The following MYH10 variants were observed in gnomAD, a reference collection of about 807,000 sequenced individuals.
MYH10 encodes the protein myosin-10.
Under a neutral mutation model 257.8 loss-of-function variants are expected in MYH10, and 55 were observed. The ratio of observed to expected loss-of-function variants is 0.21; its 90% CI spans 0.17 to 0.27. The LOEUF is 0.27. Ranked by LOEUF, MYH10 falls within the 10% of genes least tolerant of loss-of-function variation. MYH10 has a pLI of 1.00. For synonymous variants in MYH10, 854 were observed against 921.7 expected, an observed-to-expected ratio of 0.93 and a Z score of 1.33; for missense variants, 1,631 against 2,500.6, an observed-to-expected ratio of 0.65 and a Z score of 7.42.
intron 3 of MYH10, among the ~76,000 whole-genome samples, chr17:8,604,542 C>T (rs1038755472): frequency 6.6e-5 from 10 of 151,960 alleles, no homozygotes; most frequent in African/African-American, 2.4e-4. Flanking sequence ...TTGGTTAGAC[C>T]GCCTTGTGGT....
intron 6 of MYH10, among the ~76,000 whole-genome samples, chr17:8,573,621 AC>A (rs1273085004): frequency 6.6e-6 from 1 of 152,160 alleles, no homozygotes; most frequent in African/African-American, 2.4e-5. Flanking sequence ...TCTAAGAGCA[AC>A]CTCTCTTGAG....
At chr17:8,508,099 C>A (rs1403354101) in intron 26 of MYH10, among the ~76,000 whole-genome samples, 1 of 152,060 alleles carries the variant, frequency 6.6e-6, no homozygotes, top group Non-Finnish European at 1.5e-5. Flanking sequence ...GGCTGTAGTG[C>A]GGTTGCATGA....
chr17:8,571,651 G>A (rs1418116212), intron 6 of MYH10, among the ~76,000 whole-genome samples: 7 of 151,888 alleles, frequency 4.6e-5, no homozygotes, highest in Non-Finnish European at 5.9e-5. Context: ...GTGTGGTGGC[G>A]GGTGCCTGAG....
intron 19 of MYH10, among the ~76,000 whole-genome samples, chr17:8,519,397 G>T (rs1410729589): frequency 6.6e-6 from 1 of 152,058 alleles, no homozygotes; most frequent in Non-Finnish European, 1.5e-5. Context: ...AAAATATCAG[G>T]GTGACATGTG....
At chr17:8,599,009 T>C (rs1174224444) in intron 3 of MYH10, among the ~76,000 whole-genome samples, 1 of 152,236 alleles carries the variant, frequency 6.6e-6, no homozygotes, top group Non-Finnish European at 1.5e-5. Context: ...GCCCAGCCTG[T>C]TGTAGTGATT....
rs188760195 is a variant in MYH10 at position 8,501,907 on chromosome 17, T to C, written c.3600-937A>G. ...AACTTGAATAACCAGAGTTATTCAC[T>C]GTCTAAAAGAGATCTTACTTCTCAT... On this transcript the variant is annotated intron_variant, in intron 28 of 42. Transcript: ENST00000360416. 3.2e-3 allele frequency among the ~76,000 whole-genome samples: 489 copies of C among 152,334 alleles called. 2 individuals carry two copies. Among genetic ancestry groups the C allele is most frequent in the African/African-American group, 0.011 (471 of 41,562 alleles).
chr17:8,606,310 A>G (rs2084803575), intron 2 of MYH10, among the ~76,000 whole-genome samples: 1 of 152,268 alleles, frequency 6.6e-6, no homozygotes, highest in African/African-American at 2.4e-5. Flanking sequence ...CGGAAAAACA[A>G]GAGCAGTCAG....
intron 2 of MYH10, among the ~76,000 whole-genome samples, chr17:8,611,960 T>C (rs1323741687): frequency 6.6e-6 from 1 of 152,244 alleles, no homozygotes; most frequent in Admixed American, 6.5e-5. Context: ...TTTCACTTTC[T>C]GCAGTTTGTT....
intron 3 of MYH10, among the ~76,000 whole-genome samples, chr17:8,592,956 TATATATATATATATAA>T (rs1469934742): frequency 8.6e-6 from 1 of 116,764 alleles, no homozygotes; most frequent in Non-Finnish European, 1.8e-5. Context: ...TATATATATA[TATATATATATATATAA>T]AAGATGATGC....
intron 14 of MYH10, among the ~76,000 whole-genome samples, chr17:8,541,020 A>G (rs1415364815): frequency 6.6e-6 from 1 of 152,256 alleles, no homozygotes; most frequent in Non-Finnish European, 1.5e-5. Flanking sequence ...CTTATGTATT[A>G]TAAAAGCCAA....
chr17:8,608,955 C>T (rs769495263), intron 2 of MYH10, among the ~76,000 whole-genome samples: 2 of 152,168 alleles, frequency 1.3e-5, no homozygotes, highest in Non-Finnish European at 2.9e-5. Flanking sequence ...GGACTACAGG[C>T]GCCTGCCACC....
intron 7 of MYH10, chr17:8,561,676 A>G: frequency 1.6e-6 from 1 of 642,628 alleles, no homozygotes; most frequent in East Asian, 2.7e-5. Flanking sequence ...GGGCCTCTGA[A>G]CAGGTGAGCT....
chr17:8,538,796 C>T (rs1422011280), intron 14 of MYH10, among the ~76,000 whole-genome samples: 1 of 152,190 alleles, frequency 6.6e-6, no homozygotes, highest in Non-Finnish European at 1.5e-5. Flanking sequence ...CTAGGAACAT[C>T]ATGACTTCCC....
In MYH10 at chr17:8,490,576, A is replaced by G. The variant is rs1229858179; in HGVS notation, c.4672-24T>C. 2 of 1,609,192 alleles carry G rather than the reference A, an allele frequency of 1.2e-6. No individual in the cohort carries two copies. The highest frequency in any genetic ancestry group is 1.3e-5 in the African/African-American group (1 of 74,826). On this transcript the variant is annotated intron_variant, in intron 34 of 42. Transcript: ENST00000360416. The surrounding 1 kb of genome is among the most constrained non-coding windows in gnomAD (Gnocchi z 4.1). ...ACCTAAACCACCGAAGCATCAGGAA[A>G]GAGTTGACCGGGGTGGAGGCACATA... is the stretch of plus-strand genomic sequence containing the variant.
rs766222485 is a variant in MYH10 at position 8,552,105 on chromosome 17, T to C, written c.860A>G (p.Asp287Gly). Residue 287 changes from aspartate to glycine, a missense_variant, in exon 9 of 43, where the codon GAT becomes GGT. Asp to Gly is a moderately conservative substitution (Grantham distance 94, BLOSUM62 -1). Transcript: ENST00000360416. This position sits in a 1 kb window ranked among gnomAD's most constrained non-coding sequence, Gnocchi z 4.8. ...GTAAAAGATATGAAAAGTACGTTCA[T>C]CTTTTGCTTGACGAACAGCACGAGA... ...EKSRAVRQAK[D>G]ERTFHIFYQL... 6 of 1,563,490 alleles carry C rather than the reference T, an allele frequency of 3.8e-6. No homozygotes were observed. In the Admixed American group the frequency reaches 6.9e-5, roughly 18 times the overall value.
rs567246724 is a variant in MYH10, at chr17:8,569,047, A to C, written c.756+673T>G. On this transcript the variant is annotated intron_variant, in intron 7 of 42. Coordinates refer to ENST00000360416, the MANE Select transcript of MYH10 (RefSeq NM_001256012.3). This position sits in a 1 kb window ranked among gnomAD's most constrained non-coding sequence, Gnocchi z 4.1. ...ACAACATAGTGAGACCCTAGTCTCT[A>C]AAAAAAAAAAAGTTACTCTTTTAAA... is the stretch of plus-strand genomic sequence containing the variant. 1.0e-4 allele frequency among the ~76,000 whole-genome samples: 14 copies of C among 139,860 alleles called. No individual in the cohort carries two copies. The East Asian group carries it at 3.0e-3, about 30-fold the overall frequency. 91.8% of individuals were successfully genotyped at this position (139,860 alleles called of 152,430 possible).
intron 1 of MYH10, among the ~76,000 whole-genome samples, chr17:8,627,334 A>C (rs769913305): frequency 1.3e-5 from 2 of 152,180 alleles, no homozygotes; most frequent in Non-Finnish European, 2.9e-5. Context: ...TATTTACGTG[A>C]ATGGTCCCAA....
Position 8,545,143 on chromosome 17 carries a change from G to A in MYH10, c.1431+305C>T, listed in dbSNP as rs1169276657. 1.3e-5 allele frequency among the ~76,000 whole-genome samples: 2 copies of A among 152,160 alleles called. No individual in the cohort carries two copies. The highest frequency in any genetic ancestry group is 6.5e-5 in the Admixed American group (1 of 15,270). ...CCACTGGAATTACTCTCATTATGCCGGGAAACTGACCGAGGCTGGCAGCTT... is the reference window on the plus strand; with the variant it reads ...CCACTGGAATTACTCTCATTATGCCAGGAAACTGACCGAGGCTGGCAGCTT... On this transcript the variant is annotated intron_variant, in intron 13 of 42. Coordinates refer to ENST00000360416, the MANE Select transcript of MYH10 (RefSeq NM_001256012.3). The surrounding 1 kb of genome is among the most constrained non-coding windows in gnomAD (Gnocchi z 4.7).
intron 7 of MYH10, among the ~76,000 whole-genome samples, chr17:8,562,619 CA>C (rs1442809406): frequency 6.6e-6 from 1 of 152,120 alleles, no homozygotes; most frequent in African/African-American, 2.4e-5. Context: ...CCAGTAAAAA[CA>C]AAAGCATGGA....
Sources: gnomAD v4.1 joint callset for allele counts (sites outside exome capture counted in the v4.1 genomes callset) on GRCh38, gnomAD v4.1.1 for gene constraint, Gnocchi (gnomAD v3.1) non-coding constraint, MANE v1.5 for transcripts, NCBI Gene and HGNC (gene_info 2026-07-23, HGNC 2026-07-21) for gene names.